ADAM19: variants seen among roughly 807,000 people sequenced by gnomAD.
The protein encoded by ADAM19 is ADAM metallopeptidase domain 19.
A neutral mutation model predicts 114.7 loss-of-function variants in ADAM19; 65 were observed. The observed-to-expected ratio is 0.57, with a 90% CI of 0.46 to 0.70. The LOEUF (loss-of-function observed/expected upper bound fraction) is 0.70. Among genes scored for constraint, ADAM19 ranks in the 30% least tolerant of loss-of-function variants. The probability of loss-of-function intolerance (pLI) is 0.00; values close to 1 mark genes in which losing one functional copy is unlikely to be tolerated. For synonymous variants in ADAM19, 466 were observed against 460.5 expected (o/e 1.01, Z -0.15); for missense variants, 1,063 against 1,204.7 (o/e 0.88, Z 1.74).
chr5:157,479,407 G>A lies in ADAM19; in HGVS notation c.*1542C>T. On this transcript the variant is annotated 3_prime_UTR_variant, in exon 23 of 23. Transcript: ENST00000257527. ...ATTGCTCATGGCAGGATGGGAGGAG[G>A]CCCCAGGAAAGCCTCAGAGGAGTGA... is the stretch of plus-strand genomic sequence containing the variant. 2 of 986,004 alleles carry A rather than the reference G, an allele frequency of 2.0e-6. No individual in the cohort carries two copies. Among genetic ancestry groups the A allele is most frequent in the Non-Finnish European group, 2.4e-6 (2 of 830,072 alleles). The allele number at this position is 986,004 out of a possible 1,614,324, so 61.1% of individuals were successfully genotyped here. A position where few individuals can be genotyped will look rare whatever the true frequency, so the allele number is the denominator to read the frequency against.
Position 157,488,339 on chromosome 5 carries a change from C to G in ADAM19, c.2476G>C (p.Glu826Gln), listed in dbSNP as rs1755021997. 6.2e-7 allele frequency: 1 copy of G among 1,614,116 alleles called. No individual in the cohort carries two copies. The highest frequency in any genetic ancestry group is 8.5e-7 in the Non-Finnish European group (1 of 1,180,040). Reference protein sequence around the residue: ...RNSPGPGSQIERTESSRRPPP... With the variant: ...RNSPGPGSQIQRTESSRRPPP... ...GGCCTCCTGGACGACTCCGTCCTCTCTATTTGAGACCCGGGCCCTGGGGAG... is the reference window on the plus strand; with the variant it reads ...GGCCTCCTGGACGACTCCGTCCTCTGTATTTGAGACCCGGGCCCTGGGGAG... The change falls in exon 21 of 23, where the codon GAG becomes CAG. Residue 826 changes from glutamate to glutamine, a missense_variant. This residue lies in a region of ADAM19 where 424 missense variants were observed against 445.5 expected (regional missense o/e 0.95). Coordinates refer to ENST00000257527, the MANE Select transcript of ADAM19 (RefSeq NM_033274.5).
Position 157,478,283 on chromosome 5 carries a change from C to A in ADAM19, c.*2666G>T, listed in dbSNP as rs1265955417. ...CCTGAGCCAGCAAACAGCCCCTCCC[C>A]TGGAGACAAAAAAAAAAAAAAAAAA... On this transcript the variant is annotated 3_prime_UTR_variant, in exon 23 of 23. Transcript: ENST00000257527. The A allele has an allele frequency of 7.9e-6, 1 of 126,510 alleles. No homozygotes were observed. Among genetic ancestry groups the A allele is most frequent in the East Asian group, 2.4e-4 (1 of 4,216 alleles). 7.8% of individuals were successfully genotyped at this position (126,510 alleles called of 1,614,324 possible). A position where few individuals can be genotyped will look rare whatever the true frequency, so the allele number is the denominator to read the frequency against.
intron 3 of ADAM19, 78 bp from the exon 4 acceptor site, chr5:157,538,069 T>A (rs1052623158): frequency 1.4e-5 from 17 of 1,223,784 alleles, no homozygotes; most frequent in Non-Finnish European, 2.0e-5. Context: ...TGATTTTAAC[T>A]GAACCAGGCA....
chr5:157,570,317 A>G (rs1757787293), intron 2 of ADAM19: 1 of 152,378 alleles, frequency 6.6e-6, no homozygotes, highest in African/African-American at 2.4e-5. Flanking sequence ...AACCAGAACC[A>G]CAAAGAATAT....
At position 157,513,629 on chromosome 5, in the gene ADAM19, T is replaced by G. The variant is rs147243829; in HGVS notation, c.667-124A>C. ...TGTCTTCTATGAGCCATCATTTTTA[T>G]GCAATTGTCTTCCCCACCACAGTAA... On this transcript the variant is annotated intron_variant, in intron 7 of 22. Transcript: ENST00000257527. 221 of 832,680 alleles carry G rather than the reference T, an allele frequency of 2.7e-4. No homozygotes were observed. In the African/African-American group the frequency reaches 3.4e-3, roughly 13 times the overall value. The allele number at this position is 832,680 out of a possible 1,614,324, so 51.6% of individuals were successfully genotyped here.
chr5:157,501,463 G>A (rs1233064200), intron 12 of ADAM19, among the ~76,000 whole-genome samples: 1 of 152,188 alleles, frequency 6.6e-6, no homozygotes, highest in Non-Finnish European at 1.5e-5. Flanking sequence ...GCTCCCCAAG[G>A]ACAGGAACTA....
chr5:157,513,643 C>G (rs944927195), intron 7 of ADAM19, 138 bp from the exon 8 acceptor site: 1 of 738,126 alleles, frequency 1.4e-6, no homozygotes, highest in African/African-American at 1.8e-5. Flanking sequence ...ATTGTCTTCC[C>G]CACCACAGTA....
At chr5:157,536,001 C>T (rs552434508) in intron 4 of ADAM19, among the ~76,000 whole-genome samples, 4 of 152,314 alleles carry the variant, frequency 2.6e-5, no homozygotes, top group Admixed American at 6.5e-5. Context: ...GACCAAGGGG[C>T]ATTGAAGAAT....
intron 22 of ADAM19, chr5:157,481,588 C>A: frequency 1.3e-6 from 2 of 1,518,566 alleles, no homozygotes; most frequent in South Asian, 1.3e-5. Context: ...GCTCAGGATT[C>A]TAAGAATCAC....
chr5:157,494,541 G>A (rs1193720022), intron 15 of ADAM19, 146 bp downstream of exon 15: 34 of 599,700 alleles, frequency 5.7e-5, no homozygotes. Flanking sequence ...TCAAACAGGG[G>A]GCCGAGAATA....
At chr5:157,500,431 T>C (rs1755524459) in intron 12 of ADAM19, among the ~76,000 whole-genome samples, 1 of 152,220 alleles carries the variant, frequency 6.6e-6, no homozygotes, top group Non-Finnish European at 1.5e-5. Context: ...CATGCGTATT[T>C]CTCCCTGTAA....
intron 3 of ADAM19, among the ~76,000 whole-genome samples, chr5:157,550,836 T>TA (rs1181186265): frequency 6.6e-6 from 1 of 152,204 alleles, no homozygotes; most frequent in Non-Finnish European, 1.5e-5. Flanking sequence ...CTTGCCTTTA[T>TA]ATATCCACGT....
intron 19 of ADAM19, among the ~76,000 whole-genome samples, chr5:157,489,919 G>A (rs550702227): frequency 5.3e-4 from 80 of 152,324 alleles, no homozygotes; most frequent in African/African-American, 1.7e-3. Context: ...CTCAGGAGGC[G>A]GAGGCTGCAG....
At chr5:157,481,220 CT>C (rs1754736056) in intron 22 of ADAM19, 2 of 621,930 alleles carry the variant, frequency 3.2e-6, no homozygotes, top group Middle Eastern at 4.4e-4. Flanking sequence ...CCAGCCACCC[CT>C]CCCTCTTCCC....
At position 157,564,353 on chromosome 5, in the gene ADAM19, C is replaced by A. The variant is rs751878519; in HGVS notation, c.251+20G>T. ...CAGAAGTTATTTGTTTCATTTTAGACAAAGGAGGAGTCCACTTACTCATTC... is the reference window on the plus strand; with the variant it reads ...CAGAAGTTATTTGTTTCATTTTAGAAAAAGGAGGAGTCCACTTACTCATTC... On this transcript the variant is annotated intron_variant, in intron 3 of 22. Transcript: ENST00000257527. 1.2e-6 allele frequency: 2 copies of A among 1,611,814 alleles called. No homozygotes were observed. Among genetic ancestry groups the A allele is most frequent in the African/African-American group, 2.7e-5 (2 of 75,018 alleles).
intron 21 of ADAM19, among the ~76,000 whole-genome samples, chr5:157,485,198 T>C (rs74295116): frequency 0.092 from 14,068 of 152,312 alleles, 1,264 homozygotes; most frequent in East Asian, 0.52. Flanking sequence ...GCCTACTCCC[T>C]GCTCCAAGCT....
intron 3 of ADAM19, among the ~76,000 whole-genome samples, chr5:157,554,639 G>T (rs1315842070): frequency 6.6e-6 from 1 of 152,186 alleles, no homozygotes; most frequent in African/African-American, 2.4e-5. Flanking sequence ...ATTACATTTG[G>T]AAACCAACTC....
At chr5:157,515,689 C>T (rs1362669734) in intron 7 of ADAM19, among the ~76,000 whole-genome samples, 2 of 152,192 alleles carry the variant, frequency 1.3e-5, no homozygotes, top group Non-Finnish European at 2.9e-5. Flanking sequence ...CTCAAACTTA[C>T]ATTTTCTAGG....
chr5:157,513,577 G>T, intron 7 of ADAM19, 72 bp from the exon 8 acceptor site: 1 of 1,385,198 alleles, frequency 7.2e-7, no homozygotes, highest in Non-Finnish European at 1.0e-6. Context: ...CCCATTACTT[G>T]TCTTTGAATT....
Sources: allele counts gnomAD v4.1 joint callset (sites outside exome capture counted in the v4.1 genomes callset), GRCh38; gene constraint gnomAD v4.1.1; regional missense constraint gnomAD v4.1.1; transcripts MANE v1.5; gene names NCBI Gene and HGNC (gene_info 2026-07-23, HGNC 2026-07-21).